Variants in PLXNB3 observed in about 807,000 individuals in gnomAD.
PLXNB3 encodes plexin-B3.
PLXNB3 carries 80 observed loss-of-function variants against 125.7 expected under a neutral mutation model. The observed-to-expected ratio is 0.64, with a 90% confidence interval of 0.53 to 0.77. The LOEUF (loss-of-function observed/expected upper bound fraction) is 0.77. Among genes scored for constraint, PLXNB3 ranks in the 30% least tolerant of loss-of-function variants. The pLI, the probability that PLXNB3 is intolerant of heterozygous loss-of-function variation, is 0.00. For synonymous variants in PLXNB3, 954 were observed against 783.3 expected, an observed-to-expected ratio of 1.22 and a Z score of -3.64; for missense variants, 1,836 against 1,729.3, an observed-to-expected ratio of 1.06 and a Z score of -1.09.
Position 153,777,630 on chromosome X carries a change from C to T in PLXNB3, c.5203C>T (p.Leu1735=). The T allele has an allele frequency of 8.3e-7, 1 of 1,211,936 alleles. No homozygotes were observed. The highest frequency in any genetic ancestry group is 1.1e-6 in the Non-Finnish European group (1 of 895,395). Residue 1735 remains leucine, a synonymous_variant, in exon 31 of 36, where the codon CTA becomes TTA. Coordinates refer to ENST00000361971, the MANE Select transcript of PLXNB3 (RefSeq NM_005393.3). ...GTACCTGTTTGACCTTCTGGATGAG[C>T]TAGCAGAGAAGCACGGCATCGAGGA... ...VKYLFDLLDE[L]AEKHGIEDPG... is the part of the protein sequence containing the mutation.
intron 32 of PLXNB3, 74 bp downstream of exon 32, chrX:153,778,169 T>C (rs1557065171): frequency 8.3e-7 from 1 of 1,200,112 alleles, no homozygotes; most frequent in Admixed American, 2.2e-5. Context: ...CCTAGAGGGC[T>C]GTGCACAGAG....
chrX:153,779,296 G>A lies in PLXNB3; in HGVS notation c.*257G>A, dbSNP rs1277129751. The stretch of plus-strand genomic sequence containing the variant: ...CCCCATTGTATTTATTTGCCTGCTG[G>A]AAAATCACATCCGGAAATAAAATAG... On this transcript the variant is annotated 3_prime_UTR_variant, in exon 36 of 36. Transcript: ENST00000361971. 8 of 270,758 alleles carry A rather than the reference G, an allele frequency of 3.0e-5. No individual in the cohort carries two copies. The highest frequency in any genetic ancestry group is 1.3e-5 in the Non-Finnish European group (2 of 155,499). The allele number at this position is 270,758 out of a possible 1,213,427, so 22.3% of individuals were successfully genotyped here.
rs781873944 is a variant in PLXNB3 at position 153,772,006 on chromosome X, C to T, written c.2660C>T (p.Thr887Met). 1.8e-5 allele frequency: 21 copies of T among 1,191,826 alleles called. No homozygotes were observed. The Admixed American group carries it at 2.7e-4, about 15-fold the overall frequency. Reference protein sequence around the residue: ...PCNPEPSLYRTSARIVCVTSP... With the variant: ...PCNPEPSLYRMSARIVCVTSP... ...AACCCTGAGCCCTCTCTCTACCGCACGTCGGCCCGGTGAGGCACTTGGAGG... is the reference window on the plus strand; with the variant it reads ...AACCCTGAGCCCTCTCTCTACCGCATGTCGGCCCGGTGAGGCACTTGGAGG... Residue 887 changes from threonine (T) to methionine (M), a missense_variant, in exon 15 of 36, where the codon ACG becomes ATG. Transcript: ENST00000361971.
At position 153,775,785 on chromosome X, in the gene PLXNB3, G is replaced by C; in HGVS notation, c.4402-102G>C. ...GGCAAGGGGGGCTTTGGAAAGGGAA[G>C]GACTTTGAACCCTCTCCGGGGCTGG... On this transcript the variant is annotated intron_variant, in intron 26 of 35. Transcript: ENST00000361971. 2.7e-6 allele frequency: 3 copies of C among 1,094,623 alleles called. No individual in the cohort carries two copies. In the South Asian group the frequency reaches 6.1e-5, roughly 22 times the overall value. 90.2% of individuals were successfully genotyped at this position (1,094,623 alleles called of 1,213,427 possible).
In PLXNB3 at chrX:153,776,413, T is replaced by A. The variant is rs146832392; in HGVS notation, c.4787T>A (p.Val1596Glu). The A allele has an allele frequency of 0.056, 65,966 of 1,180,410 alleles. 1,508 individuals carry two copies. The highest frequency in any genetic ancestry group is 0.068 in the Non-Finnish European group (59,556 of 881,454). The change falls in exon 28 of 36, where the codon GTG (valine) becomes GAG (glutamate). Residue 1596 changes from valine (V) to glutamate (E), a missense_variant. Coordinates refer to ENST00000361971, the MANE Select transcript of PLXNB3 (RefSeq NM_005393.3). Reference sequence around the variant, plus strand: ...CTATCGGACGAAGACTTGACCTCCGTGACCCAAAACCACTGGAAGAGACTC... The same window carrying A: ...CTATCGGACGAAGACTTGACCTCCGAGACCCAAAACCACTGGAAGAGACTC... ...LTLSDEDLTS[V>E]TQNHWKRLNT...
At chrX:153,766,195 G>A in intron 2 of PLXNB3, 4 of 1,146,685 alleles carry the variant, frequency 3.5e-6, no homozygotes, top group Non-Finnish European at 4.6e-6. Flanking sequence ...TCCTCGCCCT[G>A]GAGCTGGGCG....
chrX:153,770,753 C>T lies in PLXNB3; in HGVS notation c.2011-5C>T. ...CTGAAGGGCTGAGGGCTCTTGTTTT[C>T]CCAGGTGGACATCCAGGTGCGTGGC... On this transcript the variant is annotated splice_region_variant and splice_polypyrimidine_tract_variant and intron_variant, in intron 10 of 35. Transcript: ENST00000361971. The T allele has an allele frequency of 2.5e-6, 3 of 1,204,031 alleles. No homozygotes were observed. In the South Asian group the frequency reaches 5.3e-5, roughly 21 times the overall value.
At chrX:153,764,521 G>A (rs1308705137) in intron 1 of PLXNB3, among the ~76,000 whole-genome samples, 2 of 112,929 alleles carry the variant, frequency 1.8e-5, no homozygotes, top group South Asian at 3.6e-4. Flanking sequence ...TTTCTTCCCC[G>A]AAATGGGAAA....
chrX:153,769,278 G>A lies in PLXNB3; in HGVS notation c.1496+16G>A. On this transcript the variant is annotated intron_variant, in intron 6 of 35. Transcript: ENST00000361971. ...TCCAGGGCAGGTGAGCACGGGGCCT[G>A]TGCCTAGGCTAGGGCCAACGGGTGG... The A allele has an allele frequency of 1.8e-6, 2 of 1,131,635 alleles. No individual in the cohort carries two copies. The highest frequency in any genetic ancestry group is 3.6e-5 in the African/African-American group (2 of 55,887). The allele number at this position is 1,131,635 out of a possible 1,213,427, so 93.3% of individuals were successfully genotyped here. A position where few individuals can be genotyped will look rare whatever the true frequency, so the allele number is the denominator to read the frequency against.
At chrX:153,770,695 C>A in intron 10 of PLXNB3, 53 bp downstream of exon 10, 13 of 1,205,805 alleles carry the variant, frequency 1.1e-5, no homozygotes, top group Non-Finnish European at 1.5e-5. Flanking sequence ...CTCCACCCTT[C>A]CCAGACCCGC....
Position 153,777,631 on chromosome X carries a change from T to C in PLXNB3, c.5204T>C (p.Leu1735Pro), listed in dbSNP as rs1557064942. 3 of 1,210,623 alleles carry C rather than the reference T, an allele frequency of 2.5e-6. No individual in the cohort carries two copies. The highest frequency in any genetic ancestry group is 3.0e-5 in the East Asian group (1 of 33,801). Residue 1735 changes from leucine (L) to proline (P), a missense_variant, in exon 31 of 36, where the codon CTA (leucine) becomes CCA (proline). Leu to Pro is a moderately conservative substitution (Grantham distance 98). Coordinates refer to ENST00000361971, the MANE Select transcript of PLXNB3 (RefSeq NM_005393.3). ...VKYLFDLLDE[L>P]AEKHGIEDPG... ...TACCTGTTTGACCTTCTGGATGAGC[T>C]AGCAGAGAAGCACGGCATCGAGGAC...
chrX:153,767,231 T>C lies in PLXNB3; in HGVS notation c.404T>C (p.Val135Ala), dbSNP rs782237640. The change falls in exon 3 of 36, where the codon GTG (valine) becomes GCG (alanine). Residue 135 changes from valine (V) to alanine (A), a missense_variant. By Grantham distance (64) the Val-to-Ala change is moderately conservative. Coordinates refer to ENST00000361971, the MANE Select transcript of PLXNB3 (RefSeq NM_005393.3). ...RAQELVACGQ[V>A]RQGVCETRRL... ...CAGGAGCTGGTGGCCTGCGGGCAGG[T>C]GCGGCAGGGCGTGTGTGAGACACGG... 8.3e-7 allele frequency: 1 copy of C among 1,203,804 alleles called. No individual in the cohort carries two copies. The highest frequency in any genetic ancestry group is 1.1e-6 in the Non-Finnish European group (1 of 891,891).
In PLXNB3 at chrX:153,777,218, G is replaced by A. The variant is rs782196500; in HGVS notation, c.4938G>A (p.Thr1646=). The part of the protein sequence containing the change: ...QRCPLGENIP[T]LEDGEEGGVC... ...CTCCTGTGCCCTCAGACATACCCAC[G>A]CTGGAGGATGGCGAGGAGGGGGGGG... The change falls in exon 30 of 36, where the codon ACG becomes ACA. Residue 1646 remains threonine, a synonymous_variant. Coordinates refer to ENST00000361971, the MANE Select transcript of PLXNB3 (RefSeq NM_005393.3). 5.2e-6 allele frequency: 6 copies of A among 1,153,781 alleles called. No individual in the cohort carries two copies. The African/African-American group carries it at 7.1e-5, about 14-fold the overall frequency.
chrX:153,768,837 C>T, intron 4 of PLXNB3, 111 bp from the exon 5 acceptor site: 2 of 905,350 alleles, frequency 2.2e-6, no homozygotes, highest in Non-Finnish European at 3.1e-6. Flanking sequence ...GATGGCCCGG[C>T]AGGAAGGGGA....
rs782241170 is a variant in PLXNB3, at chrX:153,776,914, G to A, written c.4861G>A (p.Val1621Ile). 9.1e-5 allele frequency: 109 copies of A among 1,196,781 alleles called. 1 individual carries two copies. The highest frequency in any genetic ancestry group is 8.4e-4 in the East Asian group (28 of 33,333). The stretch of plus-strand genomic sequence containing the variant: ...CCCAGATGGAGCAACAGTGGGGCTC[G>A]TCCCTCAGCTGCACCGTGGCAGCAC... The part of the protein sequence containing the change: ...KVPDGATVGL[V>I]PQLHRGSTIS... Residue 1621 changes from valine to isoleucine, a missense_variant, in exon 29 of 36, where the codon GTC (valine) becomes ATC (isoleucine). By Grantham distance (29) the Val-to-Ile change is conservative (BLOSUM62 3). Transcript: ENST00000361971.
At position 153,768,940 on chromosome X, in the gene PLXNB3, C is replaced by T. The variant is rs782225346; in HGVS notation, c.1267-8C>T. ...CTGGCCCAGCCTCGTCCTTGTCCCC[C>T]CACTCAGGTCTTTCTCCACGGCTCC... On this transcript the variant is annotated splice_region_variant and splice_polypyrimidine_tract_variant and intron_variant, in intron 4 of 35. Transcript: ENST00000361971. 1.2e-5 allele frequency: 15 copies of T among 1,207,829 alleles called. No homozygotes were observed. The Admixed American group carries it at 3.1e-4, about 25-fold the overall frequency.
In PLXNB3 at chrX:153,774,815, G is replaced by C. The variant is rs376831931; in HGVS notation, c.3931+9G>C. 8.3e-7 allele frequency: 1 copy of C among 1,209,414 alleles called. No individual in the cohort carries two copies. On this transcript the variant is annotated intron_variant, in intron 23 of 35. Coordinates refer to ENST00000361971, the MANE Select transcript of PLXNB3 (RefSeq NM_005393.3). Reference sequence around the variant, plus strand: ...CCGCAAGGAGTTCACAGGTGGGTGCGGAGGCGGGGGGACAGGGTACCCACG... The same window carrying C: ...CCGCAAGGAGTTCACAGGTGGGTGCCGAGGCGGGGGGACAGGGTACCCACG...
Position 153,771,400 on chromosome X carries a change from T to C in PLXNB3, c.2344T>C (p.Tyr782His). The change falls in exon 13 of 36, where the codon TAT (tyrosine) becomes CAT (histidine). Residue 782 changes from tyrosine (Y) to histidine (H), a missense_variant. By Grantham distance (83) the Tyr-to-His change is moderately conservative. Coordinates refer to ENST00000361971, the MANE Select transcript of PLXNB3 (RefSeq NM_005393.3). ...AQRLDNTHAL[Y>H]VILYDCAMGH... ...GAGGCTGGACAACACCCATGCTCTT[T>C]ATGGTGAGCCTGAGGGCAGCCAGGC... 1 of 1,209,045 alleles carries C rather than the reference T, an allele frequency of 8.3e-7. No individual in the cohort carries two copies.
rs782425712 is a variant in PLXNB3, at chrX:153,771,051, T to A, written c.2223T>A (p.Asp741Glu). Reference protein sequence around the residue: ...LPATLEETAGDSGLIHCQAHQ... With the variant: ...LPATLEETAGESGLIHCQAHQ... ...CCACCCTGGAGGAGACAGCAGGGGA[T>A]TCAGGCCTCATCCACTGCCAGGCCC... The change falls in exon 12 of 36, where the codon GAT (aspartate) becomes GAA (glutamate). Residue 741 changes from aspartate to glutamate, a missense_variant. Physicochemically the swap from Asp to Glu is conservative, Grantham distance 45. Coordinates refer to ENST00000361971, the MANE Select transcript of PLXNB3 (RefSeq NM_005393.3). The A allele has an allele frequency of 2.6e-5, 32 of 1,207,800 alleles. No homozygotes were observed. The highest frequency in any genetic ancestry group is 1.1e-6 in the Non-Finnish European group (1 of 894,309).
Sources: gnomAD v4.1 joint callset for allele counts (sites outside exome capture counted in the v4.1 genomes callset) on GRCh38, gnomAD v4.1.1 for gene constraint, MANE v1.5 for transcripts, NCBI Gene and HGNC (gene_info 2026-07-23, HGNC 2026-07-21) for gene names.